Variants in CYP26B1 observed in about 807,000 individuals in gnomAD.
The protein encoded by CYP26B1 is cytochrome P450 family 26 subfamily B member 1, also known as cytochrome P450 26B1.
Under a neutral mutation model 39.1 loss-of-function variants are expected in CYP26B1, and 8 were observed. That is an observed-to-expected ratio of 0.20 (90% CI 0.12 to 0.37). The LOEUF (loss-of-function observed/expected upper bound fraction) is 0.37. Among genes scored for constraint, CYP26B1 ranks in the 10% least tolerant of loss-of-function variants. The pLI, the probability that CYP26B1 is intolerant of heterozygous loss-of-function variation, is 1.00. For synonymous variants in CYP26B1, 321 were observed against 314.3 expected, an observed-to-expected ratio of 1.02 and a Z score of -0.23; for missense variants, 615 against 707.0, an observed-to-expected ratio of 0.87 and a Z score of 1.48.
At chr2:72,144,338 C>T in intron 1 of CYP26B1, 125 bp from the exon 2 acceptor site, 1 of 1,468,112 alleles carries the variant, frequency 6.8e-7, no homozygotes, top group Non-Finnish European at 9.0e-7. Context: ...CACACTCACA[C>T]AGACGAGCAC....
chr2:72,140,173 GAGA>G (rs1361671522), intron 2 of CYP26B1, among the ~76,000 whole-genome samples: 1 of 152,186 alleles, frequency 6.6e-6, no homozygotes, highest in South Asian at 2.1e-4. Flanking sequence ...CCTGCCTTGG[GAGA>G]AGGACACAGA....
At chr2:72,144,473 A>C in intron 1 of CYP26B1, 1 of 1,278,366 alleles carries the variant, frequency 7.8e-7, no homozygotes, top group Non-Finnish European at 9.9e-7. Context: ...ATGACTTTCG[A>C]GAGGAAAGAG....
intron 2 of CYP26B1, among the ~76,000 whole-genome samples, chr2:72,136,238 T>G (rs1485456537): frequency 6.6e-6 from 1 of 152,154 alleles, no homozygotes; most frequent in Non-Finnish European, 1.5e-5. Flanking sequence ...GGAGCACCCC[T>G]GCTACCAGCA....
In CYP26B1 at chr2:72,147,712, G is replaced by C. The variant is rs922385572; in HGVS notation, c.123C>G (p.Arg41=). 6.2e-7 allele frequency: 1 copy of C among 1,602,528 alleles called. No individual in the cohort carries two copies. The highest frequency in any genetic ancestry group is 8.5e-7 in the Non-Finnish European group (1 of 1,175,284). ...GGATGGGCAGCTTGCAGCTCTTGTC[G>C]CGAGTGGCGGCCCAGCGCAGCTGCC... ...QLWQLRWAAT[R]DKSCKLPIPK... is the part of the protein sequence containing the mutation. The change falls in exon 1 of 6, where the codon CGC becomes CGG. Residue 41 remains arginine (R), a synonymous_variant. Transcript: ENST00000001146. The surrounding 1 kb of genome is among the most constrained non-coding windows in gnomAD (Gnocchi z 6.1).
chr2:72,141,224 A>C (rs1432010622), intron 2 of CYP26B1, among the ~76,000 whole-genome samples: 1 of 152,162 alleles, frequency 6.6e-6, no homozygotes, highest in Non-Finnish European at 1.5e-5. Context: ...TGGGCAGGGG[A>C]AGGGTAACCC....
At chr2:72,141,688 T>C (rs1676946756) in intron 2 of CYP26B1, among the ~76,000 whole-genome samples, 1 of 152,252 alleles carries the variant, frequency 6.6e-6, no homozygotes, top group South Asian at 2.1e-4. Flanking sequence ...GTTCAGCAGA[T>C]GAGCCATTCT....
At position 72,132,991 on chromosome 2, in the gene CYP26B1, C is replaced by G; in HGVS notation, c.1146+32G>C. On this transcript the variant is annotated intron_variant, in intron 5 of 5. Transcript: ENST00000001146. Reference sequence around the variant, plus strand: ...CCCTATCCCGGTGCCCCTGCTCCCCCATCGCCCCCGGTGCCACGGGCCCAG... The same window carrying G: ...CCCTATCCCGGTGCCCCTGCTCCCCGATCGCCCCCGGTGCCACGGGCCCAG... 3 of 1,612,874 alleles carry G rather than the reference C, an allele frequency of 1.9e-6. No homozygotes were observed. In the South Asian group the frequency reaches 3.3e-5, roughly 18 times the overall value.
At chr2:72,142,576 A>T (rs1161116336) in intron 2 of CYP26B1, among the ~76,000 whole-genome samples, 1 of 152,248 alleles carries the variant, frequency 6.6e-6, no homozygotes, top group Non-Finnish European at 1.5e-5. Context: ...TCTGTAAAGC[A>T]GAGATCAGGA....
chr2:72,133,467 A>G (rs909045515), intron 4 of CYP26B1, among the ~76,000 whole-genome samples, 160 bp from the exon 5 acceptor site: 2 of 152,214 alleles, frequency 1.3e-5, no homozygotes, highest in Non-Finnish European at 2.9e-5. Context: ...TTGCCGGGGC[A>G]TTAGTGTCAC....
In CYP26B1 at chr2:72,140,915, G is replaced by A. The variant is rs574206278; in HGVS notation, c.429+3074C>T. On this transcript the variant is annotated intron_variant, in intron 2 of 5. Coordinates refer to ENST00000001146, the MANE Select transcript of CYP26B1 (RefSeq NM_019885.4). ...GTCCCTCCCTTGAAATACTCTCCAG[G>A]TTCCCTGAGGGTATCTCCAGGCCAC... Among the ~76,000 whole-genome samples the A allele has an allele frequency of 2.0e-5, 3 of 152,274 alleles. No individual in the cohort carries two copies. In the South Asian group the frequency reaches 6.2e-4, roughly 32 times the overall value.
intron 2 of CYP26B1, 119 bp from the exon 3 acceptor site, chr2:72,135,538 AAGCC>A: frequency 6.9e-7 from 1 of 1,441,658 alleles, no homozygotes; most frequent in Non-Finnish European, 9.5e-7. Flanking sequence ...CACAACAGCA[AAGCC>A]TTGGGAGCTG....
chr2:72,132,765 C>A, intron 5 of CYP26B1, 146 bp from the exon 6 acceptor site: 1 of 1,444,302 alleles, frequency 6.9e-7, no homozygotes, highest in South Asian at 1.4e-5. Flanking sequence ...CAAGGCCTGG[C>A]CAGCCTGCCC....
At chr2:72,143,922 G>T in intron 2 of CYP26B1, 67 bp downstream of exon 2, 1 of 1,569,272 alleles carries the variant, frequency 6.4e-7, no homozygotes, top group Non-Finnish European at 8.7e-7. Context: ...CATTCCCCGG[G>T]CTCCAGGAAC....
At position 72,132,379 on chromosome 2, in the gene CYP26B1, G is replaced by A. The variant is rs201193616; in HGVS notation, c.1387C>T (p.Arg463Cys). The change falls in exon 6 of 6, where the codon CGC becomes TGC. Residue 463 changes from arginine (R) to cysteine (C), a missense_variant. Coordinates refer to ENST00000001146, the MANE Select transcript of CYP26B1 (RefSeq NM_019885.4). ...AAGGTCCGTGTGGCCAGCTCAAAGCGGCTGGTGCTAGCCAGCTCCACCGCC... is the reference window on the plus strand; with the variant it reads ...AAGGTCCGTGTGGCCAGCTCAAAGCAGCTGGTGCTAGCCAGCTCCACCGCC... ...VLAVELASTSRFELATRTFPR... is the reference protein window; with the variant it reads ...VLAVELASTSCFELATRTFPR... 177 of 1,611,176 alleles carry A rather than the reference G, an allele frequency of 1.1e-4. 1 individual carries two copies. In the East Asian group the frequency reaches 1.3e-3, roughly 11 times the overall value.
At chr2:72,135,453 T>C in intron 2 of CYP26B1, 34 bp from the exon 3 acceptor site, 1 of 1,602,400 alleles carries the variant, frequency 6.2e-7, no homozygotes. Context: ...GTGAGCCGAT[T>C]GGCACAGCCC....
chr2:72,135,550 C>T, intron 2 of CYP26B1, 131 bp from the exon 3 acceptor site: 1 of 1,343,454 alleles, frequency 7.4e-7, no homozygotes, highest in African/African-American at 1.4e-5. Flanking sequence ...GCCTTGGGAG[C>T]TGGGCAGGCC....
rs1399150188 is a variant in CYP26B1 at position 72,147,304 on chromosome 2, G to C, written c.204+327C>G. 2.6e-5 allele frequency among the ~76,000 whole-genome samples: 4 copies of C among 152,138 alleles called. No homozygotes were observed. Among genetic ancestry groups the C allele is most frequent in the Non-Finnish European group, 5.9e-5 (4 of 68,010 alleles). Reference sequence around the variant, plus strand: ...GGCTCAGGACCGGACCCTCCCCCGGGACCGCGCCTCGCTAGGCGCCCCCGG... The same window carrying C: ...GGCTCAGGACCGGACCCTCCCCCGGCACCGCGCCTCGCTAGGCGCCCCCGG... On this transcript the variant is annotated intron_variant, in intron 1 of 5. Transcript: ENST00000001146. The surrounding 1 kb of genome is among the most constrained non-coding windows in gnomAD (Gnocchi z 6.1).
chr2:72,144,858 C>G (rs1434851389), intron 1 of CYP26B1, among the ~76,000 whole-genome samples: 1 of 152,138 alleles, frequency 6.6e-6, no homozygotes, highest in Non-Finnish European at 1.5e-5. Context: ...AACCCGAGCG[C>G]GGGGCGGGGC....
intron 1 of CYP26B1, among the ~76,000 whole-genome samples, chr2:72,146,075 G>A (rs1677115408): frequency 6.6e-6 from 1 of 152,166 alleles, no homozygotes; most frequent in Admixed American, 6.5e-5. Flanking sequence ...GGGAGGCTTA[G>A]GTTTCCTCCT....
Sources: allele counts gnomAD v4.1 joint callset (sites outside exome capture counted in the v4.1 genomes callset), GRCh38; gene constraint gnomAD v4.1.1; non-coding constraint Gnocchi (gnomAD v3.1); transcripts MANE v1.5; gene names NCBI Gene and HGNC (gene_info 2026-07-23, HGNC 2026-07-21).